The following GALNT13 variants were observed in gnomAD, a reference collection of about 807,000 sequenced individuals.
GALNT13 encodes the protein UDP-GalNAc:polypeptide N-acetylgalactosaminyltransferase 13.
In GALNT13, 28 loss-of-function variants were observed where a neutral mutation model predicts 64.2. The observed-to-expected ratio is 0.44, with a 90% CI of 0.32 to 0.60. The LOEUF (loss-of-function observed/expected upper bound fraction) is 0.60. GALNT13 is among the 20% of genes least tolerant of loss of function. GALNT13 has a pLI of 0.05. For missense variants in GALNT13, 577 were observed against 669.8 expected (o/e 0.86, Z 1.53); for synonymous variants, 214 against 224.6 (o/e 0.95, Z 0.42).
At chr2:153,222,565 A>G in the GALNT13 span, among the ~76,000 whole-genome samples, 1 of 151,974 alleles carries the variant, frequency 6.6e-6, no homozygotes. Context: ...GCCTCTTGCC[A>G]CCATCAACAT....
At chr2:154,439,536 A>G (rs1236415369) in intron 12 of GALNT13, among the ~76,000 whole-genome samples, 1 of 152,124 alleles carries the variant, frequency 6.6e-6, no homozygotes, top group Non-Finnish European at 1.5e-5. Flanking sequence ...CTTAAAAGAT[A>G]AATACTACTA....
At chr2:154,298,518 T>TAAA (rs1559075211) in intron 8 of GALNT13, among the ~76,000 whole-genome samples, 5 of 116,278 alleles carry the variant, frequency 4.3e-5, no homozygotes, top group South Asian at 2.4e-4. Flanking sequence ...AAATTATATA[T>TAAA]TATATATAAA....
At chr2:153,422,239 A>G in the GALNT13 span, among the ~76,000 whole-genome samples, 7 of 152,248 alleles carry the variant, frequency 4.6e-5, no homozygotes, top group African/African-American at 1.7e-4. Context: ...TTAGGAAAGA[A>G]GAAAAACTAA....
chr2:153,175,348 G>A, the GALNT13 span, among the ~76,000 whole-genome samples: 1 of 152,160 alleles, frequency 6.6e-6, no homozygotes, highest in Non-Finnish European at 1.5e-5. Context: ...TGGGAAGAGA[G>A]AGACAGAATG....
intron 3 of GALNT13, among the ~76,000 whole-genome samples, chr2:154,111,022 TGAA>T (rs1702956456): frequency 6.6e-6 from 1 of 151,972 alleles, no homozygotes. Context: ...GAAAATGAAA[TGAA>T]GATATTTTCG....
chr2:153,862,616 C>G, the GALNT13 span, among the ~76,000 whole-genome samples: 1 of 151,780 alleles, frequency 6.6e-6, no homozygotes, highest in Admixed American at 6.6e-5. Flanking sequence ...ACAATTTTTC[C>G]TTTTTTATGT....
intron 8 of GALNT13, among the ~76,000 whole-genome samples, chr2:154,277,364 C>A (rs1182855930): frequency 2.0e-5 from 3 of 152,030 alleles, no homozygotes; most frequent in African/African-American, 7.3e-5. Context: ...AAAATTGAAT[C>A]TATGTATTTT....
intron 3 of GALNT13, among the ~76,000 whole-genome samples, chr2:154,118,767 A>G (rs1681760656): frequency 6.6e-6 from 1 of 152,092 alleles, no homozygotes; most frequent in Non-Finnish European, 1.5e-5. Flanking sequence ...TTACTAGAAC[A>G]TCCTGTACTT....
the GALNT13 span, among the ~76,000 whole-genome samples, chr2:153,588,375 C>T: frequency 2.6e-5 from 4 of 152,332 alleles, no homozygotes; most frequent in South Asian, 8.3e-4. Context: ...AAACTCCTGC[C>T]TGGGCATCCA....
intron 8 of GALNT13, among the ~76,000 whole-genome samples, chr2:154,275,392 T>G (rs530613919): frequency 6.6e-6 from 1 of 152,290 alleles, no homozygotes; most frequent in Admixed American, 6.5e-5. Context: ...TGTGCAGCCT[T>G]GAGACTTGGT....
intron 2 of GALNT13, among the ~76,000 whole-genome samples, chr2:153,940,160 C>T (rs2105375439): frequency 6.6e-6 from 1 of 151,526 alleles, no homozygotes; most frequent in Non-Finnish European, 1.5e-5. Context: ...TTGTTGGCTT[C>T]TTTGTCTCTT....
At chr2:153,479,662 G>GAATT in the GALNT13 span, among the ~76,000 whole-genome samples, 2 of 152,112 alleles carry the variant, frequency 1.3e-5, no homozygotes, top group Non-Finnish European at 1.5e-5. Flanking sequence ...TTGTTGAAGG[G>GAATT]AATTGCTCAT....
At chr2:153,300,795 A>C in the GALNT13 span, among the ~76,000 whole-genome samples, 1 of 152,212 alleles carries the variant, frequency 6.6e-6, no homozygotes, top group African/African-American at 2.4e-5. Flanking sequence ...GTATTGGTAG[A>C]AAGAGATATT....
chr2:153,449,353 G>C, the GALNT13 span, among the ~76,000 whole-genome samples: 2 of 152,282 alleles, frequency 1.3e-5, no homozygotes, highest in South Asian at 4.1e-4. Context: ...TCTGCATCCT[G>C]TGTTGTCTCT....
chr2:153,174,077 C>T, the GALNT13 span, among the ~76,000 whole-genome samples: 1 of 152,162 alleles, frequency 6.6e-6, no homozygotes, highest in Non-Finnish European at 1.5e-5. Context: ...CTGGTGGTGG[C>T]TCCACCTGTC....
At chr2:153,270,545 A>C in the GALNT13 span, among the ~76,000 whole-genome samples, 1 of 152,206 alleles carries the variant, frequency 6.6e-6, no homozygotes, top group African/African-American at 2.4e-5. Context: ...CTTTGGCTCC[A>C]AATGCAGTTT....
the GALNT13 span, among the ~76,000 whole-genome samples, chr2:153,412,790 G>A: frequency 3.9e-5 from 6 of 152,174 alleles, no homozygotes; most frequent in East Asian, 1.2e-3. Context: ...TTGCTCTCTG[G>A]TGTTTGTTCT....
chr2:154,256,962 C>T (rs1690411908), intron 7 of GALNT13, among the ~76,000 whole-genome samples: 1 of 152,058 alleles, frequency 6.6e-6, no homozygotes, highest in Admixed American at 6.6e-5. Flanking sequence ...AGGCATATTA[C>T]AGGGCAGTTA....
chr2:153,401,900 T>A, the GALNT13 span, among the ~76,000 whole-genome samples: 1 of 152,050 alleles, frequency 6.6e-6, no homozygotes, highest in African/African-American at 2.4e-5. Context: ...GTCTGTGTCT[T>A]TTAATTGGAG....
Sources: gnomAD v4.1 joint callset for allele counts (sites outside exome capture counted in the v4.1 genomes callset) on GRCh38, gnomAD v4.1.1 for gene constraint, MANE v1.5 for transcripts, NCBI Gene and HGNC (gene_info 2026-07-23, HGNC 2026-07-21) for gene names.